The following C1GALT1 variants were observed in gnomAD, a reference collection of about 807,000 sequenced individuals.
C1GALT1 encodes glycoprotein-N-acetylgalactosamine 3-beta-galactosyltransferase 1.
In C1GALT1, 11 loss-of-function variants were observed where a neutral mutation model predicts 31.0. That is an observed-to-expected ratio of 0.36 (90% CI 0.22 to 0.59). C1GALT1 has a LOEUF of 0.59. Ranked by LOEUF, C1GALT1 falls within the 20% of genes least tolerant of loss-of-function variation. The pLI is 0.79. For synonymous variants in C1GALT1, 175 were observed against 143.6 expected, an observed-to-expected ratio of 1.22 and a Z score of -1.56; for missense variants, 424 against 425.2, an observed-to-expected ratio of 1.00 and a Z score of 0.03.
At chr7:7,207,067 A>G (rs1006058265) in intron 1 of C1GALT1, among the ~76,000 whole-genome samples, 3 of 151,998 alleles carry the variant, frequency 2.0e-5, no homozygotes, top group African/African-American at 4.8e-5. Context: ...ACTTGGGACT[A>G]TGACAGTGTT....
chr7:7,236,663 A>G (rs918511422), intron 2 of C1GALT1, among the ~76,000 whole-genome samples: 41 of 152,088 alleles, frequency 2.7e-4, no homozygotes, highest in African/African-American at 9.9e-4. Context: ...CTGGGATTAC[A>G]GGCGCCCACC....
upstream of C1GALT1, among the ~76,000 whole-genome samples, chr7:7,181,893 T>G (rs956103218): frequency 2.0e-5 from 3 of 152,166 alleles, no homozygotes; most frequent in African/African-American, 7.2e-5. Flanking sequence ...CAAAGACAAC[T>G]TCCTTATTCA....
chr7:7,212,450 A>AT (rs1782048019), intron 1 of C1GALT1, among the ~76,000 whole-genome samples: 1 of 152,244 alleles, frequency 6.6e-6, no homozygotes, highest in Admixed American at 6.5e-5. Flanking sequence ...TAATGCAAAC[A>AT]ACTATATTGC....
intron 1 of C1GALT1, among the ~76,000 whole-genome samples, chr7:7,192,291 C>T (rs769684913): frequency 6.6e-6 from 1 of 151,932 alleles, no homozygotes; most frequent in Non-Finnish European, 1.5e-5. Flanking sequence ...ATCCCTCACC[C>T]CCTCCCACCC....
At chr7:7,186,769 A>G (rs1054826804) in intron 1 of C1GALT1, among the ~76,000 whole-genome samples, 1 of 152,194 alleles carries the variant, frequency 6.6e-6, no homozygotes, top group Admixed American at 6.5e-5. Flanking sequence ...GAGGAATGAC[A>G]AGCAGTTAGT....
intron 1 of C1GALT1, among the ~76,000 whole-genome samples, chr7:7,222,891 G>A (rs144570654): frequency 9.8e-4 from 114 of 116,646 alleles, no homozygotes; most frequent in Admixed American, 2.0e-3. Flanking sequence ...CTGTATGACA[G>A]GTATGTGAGT....
At chr7:7,243,255 TAA>T (rs1783708149) in intron 3 of C1GALT1, among the ~76,000 whole-genome samples, 1 of 152,152 alleles carries the variant, frequency 6.6e-6, no homozygotes, top group Non-Finnish European at 1.5e-5. Context: ...TTTTATCCGC[TAA>T]AGAGTGTGAG....
chr7:7,243,661 TA>T lies in C1GALT1; in HGVS notation c.1027del (p.Ile343TyrfsTer2). 6.2e-7 allele frequency: 1 copy of T among 1,608,442 alleles called. No individual in the cohort carries two copies. The part of the protein sequence containing the change: ...YRYQPTLPER[I>X]LKEISQANKN... ...GATATCAACCTACCTTACCTGAACG[TA>T]TACTAAAGGAAATTAGTCAAGCAAA... On this transcript the variant is annotated frameshift_variant, in exon 4 of 4. Transcript: ENST00000436587. LOFTEE classifies it high-confidence loss of function.
intron 2 of C1GALT1, among the ~76,000 whole-genome samples, chr7:7,174,631 G>A (rs1780485895): frequency 6.6e-6 from 1 of 151,908 alleles, no homozygotes; most frequent in Non-Finnish European, 1.5e-5. Context: ...AACAACAAAT[G>A]AAAATTTCTT....
At chr7:7,207,907 T>C (rs1166032844) in intron 1 of C1GALT1, among the ~76,000 whole-genome samples, 1 of 152,170 alleles carries the variant, frequency 6.6e-6, no homozygotes, top group African/African-American at 2.4e-5. Context: ...TGTAATACAA[T>C]AGTCCCTCTT....
At chr7:7,204,799 G>A (rs1029572852) in intron 1 of C1GALT1, among the ~76,000 whole-genome samples, 3 of 151,822 alleles carry the variant, frequency 2.0e-5, no homozygotes, top group African/African-American at 7.3e-5. Flanking sequence ...TTGATTCTTC[G>A]CCCCATTGGT....
intron 1 of C1GALT1, among the ~76,000 whole-genome samples, chr7:7,227,827 A>C (rs1233547706): frequency 3.3e-5 from 5 of 152,038 alleles, no homozygotes; most frequent in Non-Finnish European, 7.4e-5. Context: ...TTCAGAGGAG[A>C]GTCCTCAACA....
In C1GALT1 at chr7:7,246,909, T is replaced by TCA. The variant is rs1219530052; in HGVS notation, c.*3183_*3184dup. Reference sequence around the variant, plus strand: ...AAAGATAACTTAAAGGATCATTGGATCATTCATTTTGGCCAAATTTTTAGC... The same window carrying TCA: ...AAAGATAACTTAAAGGATCATTGGATCACATTCATTTTGGCCAAATTTTTAGC... On this transcript the variant is annotated 3_prime_UTR_variant, in exon 4 of 4. Coordinates refer to ENST00000436587, the MANE Select transcript of C1GALT1 (RefSeq NM_020156.5). The TCA allele has an allele frequency of 6.6e-6, 1 of 152,194 alleles. No homozygotes were observed. The highest frequency in any genetic ancestry group is 1.5e-5 in the Non-Finnish European group (1 of 68,028). The allele number at this position is 152,194 out of a possible 1,614,324, so 9.4% of individuals were successfully genotyped here.
At position 7,244,625 on chromosome 7, in the gene C1GALT1, T is replaced by A. The variant is rs1783771800; in HGVS notation, c.*898T>A. The A allele has an allele frequency of 6.6e-6, 1 of 152,170 alleles. No individual in the cohort carries two copies. Among genetic ancestry groups the A allele is most frequent in the African/African-American group, 2.4e-5 (1 of 41,440 alleles). The allele number at this position is 152,170 out of a possible 1,614,324, so 9.4% of individuals were successfully genotyped here. ...AGTGCCACTCTCAGGAATTACTAAGTGACATTTTAAATTGATATTTTAAAC... is the reference window on the plus strand; with the variant it reads ...AGTGCCACTCTCAGGAATTACTAAGAGACATTTTAAATTGATATTTTAAAC... On this transcript the variant is annotated 3_prime_UTR_variant, in exon 4 of 4. Coordinates refer to ENST00000436587, the MANE Select transcript of C1GALT1 (RefSeq NM_020156.5).
At chr7:7,224,746 T>G (rs905114740) in intron 1 of C1GALT1, among the ~76,000 whole-genome samples, 1 of 152,182 alleles carries the variant, frequency 6.6e-6, no homozygotes. Context: ...TCCATTTTAT[T>G]AATCTTATCA....
intron 1 of C1GALT1, chr7:7,209,347 G>A (rs964760354): frequency 9.9e-5 from 15 of 152,066 alleles, no homozygotes; most frequent in African/African-American, 3.1e-4. Context: ...TATTTTTTCC[G>A]AAGATGGCCA....
chr7:7,187,248 C>A lies in C1GALT1; in HGVS notation c.-18+4428C>A, dbSNP rs995880704. 1.2e-4 allele frequency among the ~76,000 whole-genome samples: 18 copies of A among 147,654 alleles called. No individual in the cohort carries two copies. The East Asian group carries it at 1.4e-3, about 12-fold the overall frequency. ...TAAAAGTAGTCTTATCTCTATTCTTCCTGAGATTTTTTTTTTTTTGAGACG... is the reference window on the plus strand; with the variant it reads ...TAAAAGTAGTCTTATCTCTATTCTTACTGAGATTTTTTTTTTTTTGAGACG... On this transcript the variant is annotated intron_variant, in intron 1 of 3. Coordinates refer to ENST00000436587, the MANE Select transcript of C1GALT1 (RefSeq NM_020156.5).
rs189894131 is a variant in C1GALT1 at position 7,204,390 on chromosome 7, A to G, written c.-18+21570A>G. 1.9e-3 allele frequency among the ~76,000 whole-genome samples: 287 copies of G among 151,778 alleles called. 1 individual carries two copies. Among genetic ancestry groups the G allele is most frequent in the African/African-American group, 6.7e-3 (278 of 41,416 alleles). ...ATAGTATCCTCTTATCATCCTTTGT[A>G]TTTCTGTGAAACTATTAGCAATGCC... On this transcript the variant is annotated intron_variant, in intron 1 of 3. Coordinates refer to ENST00000436587, the MANE Select transcript of C1GALT1 (RefSeq NM_020156.5).
chr7:7,170,278 T>G (rs1213650866), intron 2 of C1GALT1, among the ~76,000 whole-genome samples: 1 of 152,220 alleles, frequency 6.6e-6, no homozygotes, highest in Non-Finnish European at 1.5e-5. Flanking sequence ...TTCTGTTTTA[T>G]TGATCTCTGC....
Sources: allele counts gnomAD v4.1 joint callset (sites outside exome capture counted in the v4.1 genomes callset), GRCh38; gene constraint gnomAD v4.1.1; transcripts MANE v1.5; gene names NCBI Gene and HGNC (gene_info 2026-07-23, HGNC 2026-07-21).